Variants in LOC400499 observed in about 807,000 individuals in gnomAD.
chr16:11,450,029 C>A, the LOC400499 span, among the ~76,000 whole-genome samples: 3 of 152,222 alleles, frequency 2.0e-5, no homozygotes, highest in African/African-American at 7.2e-5. Context: ...AGATTACCAC[C>A]GCTCTTGACT....
the LOC400499 span, among the ~76,000 whole-genome samples, chr16:11,490,469 G>A: frequency 6.6e-6 from 1 of 151,886 alleles, no homozygotes; most frequent in Non-Finnish European, 1.5e-5. Context: ...GGAGGCTGAG[G>A]CGGGCAGATC....
chr16:11,464,162 T>A, the LOC400499 span, among the ~76,000 whole-genome samples: 1 of 41,880 alleles, frequency 2.4e-5, no homozygotes, highest in Non-Finnish European at 5.0e-5. Context: ...TGTATGTGTA[T>A]GGACATGTGT....
the LOC400499 span, among the ~76,000 whole-genome samples, chr16:11,512,849 T>C: frequency 1.6e-4 from 25 of 152,100 alleles, no homozygotes; most frequent in Admixed American, 1.3e-3. Context: ...AGGGTCGGTG[T>C]GCGGGGAGGG....
chr16:11,527,431 G>A, the LOC400499 span, among the ~76,000 whole-genome samples: 2 of 152,040 alleles, frequency 1.3e-5, no homozygotes, highest in African/African-American at 2.4e-5. Context: ...AAAAAGCCTA[G>A]AGGGGAAAAA....
chr16:11,411,922 G>C, the LOC400499 span, among the ~76,000 whole-genome samples: 1 of 151,372 alleles, frequency 6.6e-6, no homozygotes, highest in African/African-American at 2.4e-5. Flanking sequence ...GAGTGCAGTG[G>C]TGCCATCTCT....
chr16:11,419,855 A>G, the LOC400499 span, among the ~76,000 whole-genome samples: 156 of 151,928 alleles, frequency 1.0e-3, 5 homozygotes, highest in South Asian at 0.03. Context: ...GCTCATCATC[A>G]CTGGCCATCA....
At chr16:11,477,507 C>T in the LOC400499 span, among the ~76,000 whole-genome samples, 31 of 152,322 alleles carry the variant, frequency 2.0e-4, no homozygotes, top group African/African-American at 5.8e-4. Flanking sequence ...GGGCGTCACA[C>T]GAGTTCAGTG....
the LOC400499 span, chr16:11,396,776 A>C: frequency 1.0e-6 from 1 of 960,530 alleles, no homozygotes; most frequent in Non-Finnish European, 1.3e-6. Context: ...GCCACCTCCC[A>C]GCCTCCACAC....
chr16:11,425,774 T>A, the LOC400499 span, among the ~76,000 whole-genome samples: 2 of 152,084 alleles, frequency 1.3e-5, no homozygotes, highest in African/African-American at 4.8e-5. Flanking sequence ...GATCAGACGT[T>A]TAGAGAACAT....
chr16:11,512,653 A>G, the LOC400499 span, among the ~76,000 whole-genome samples: 1 of 152,194 alleles, frequency 6.6e-6, no homozygotes, highest in African/African-American at 2.4e-5. Context: ...ATGGATGTAC[A>G]ACTCTGAATA....
chr16:11,464,845 G>A, the LOC400499 span, among the ~76,000 whole-genome samples: 583 of 152,282 alleles, frequency 3.8e-3, 2 homozygotes, highest in Non-Finnish European at 5.2e-3. Flanking sequence ...GGCAATCCGT[G>A]CTTGCACATT....
At chr16:11,397,511 G>T in the LOC400499 span, among the ~76,000 whole-genome samples, 5 of 152,114 alleles carry the variant, frequency 3.3e-5, no homozygotes, top group Non-Finnish European at 7.4e-5. Flanking sequence ...CTGACCTCGT[G>T]ATCTGCCTGC....
chr16:11,404,733 G>C, the LOC400499 span: 1 of 399,028 alleles, frequency 2.5e-6, no homozygotes, highest in Non-Finnish European at 4.4e-6. Context: ...GGTGGGCTTG[G>C]GGAAAGGCCC....
At chr16:11,477,257 A>G in the LOC400499 span, among the ~76,000 whole-genome samples, 11 of 152,246 alleles carry the variant, frequency 7.2e-5, no homozygotes, top group Admixed American at 7.2e-4. Flanking sequence ...TTCACGCCAG[A>G]GAGCACCCAG....
At chr16:11,433,050 T>C in the LOC400499 span, among the ~76,000 whole-genome samples, 22 of 152,230 alleles carry the variant, frequency 1.4e-4, no homozygotes, top group African/African-American at 5.1e-4. Context: ...CACTTGTTTT[T>C]ATAAATAAAG....
the LOC400499 span, chr16:11,450,824 C>T: frequency 2.0e-6 from 3 of 1,524,796 alleles, no homozygotes; most frequent in African/African-American, 1.4e-5. Context: ...AAGGCTCCTG[C>T]AAGCAACAAA....
chr16:11,407,970 G>GTTTTTTTT, the LOC400499 span, among the ~76,000 whole-genome samples: 2 of 63,416 alleles, frequency 3.2e-5, no homozygotes, highest in African/African-American at 1.2e-4. Context: ...TTCCAGAGCT[G>GTTTTTTTT]TTTTTTTTTT....
chr16:11,403,663 C>G, the LOC400499 span, among the ~76,000 whole-genome samples: 1 of 152,234 alleles, frequency 6.6e-6, no homozygotes, highest in African/African-American at 2.4e-5. Flanking sequence ...ACCTGGCAGG[C>G]TGTGGGTCGG....
the LOC400499 span, among the ~76,000 whole-genome samples, chr16:11,407,970 G>GTTTTTTTTTTTTTTTTT: frequency 1.3e-4 from 8 of 63,456 alleles, no homozygotes; most frequent in African/African-American, 4.7e-4. Context: ...TTCCAGAGCT[G>GTTTTTTTTTTTTTTTTT]TTTTTTTTTT....
Sources: gnomAD v4.1 joint callset for allele counts (sites outside exome capture counted in the v4.1 genomes callset) on GRCh38, gnomAD v4.1.1 for gene constraint, MANE v1.5 for transcripts.